BAZ1A: variants seen among roughly 807,000 people sequenced by gnomAD.
BAZ1A encodes the protein bromodomain adjacent to zinc finger domain protein 1A.
BAZ1A carries 50 observed loss-of-function variants against 185.2 expected under a neutral mutation model. That is an observed-to-expected ratio of 0.27 (90% CI 0.22 to 0.34). BAZ1A has a LOEUF of 0.34. Among genes scored for constraint, BAZ1A ranks in the 10% least tolerant of loss-of-function variants. BAZ1A has a pLI of 1.00. For missense variants in BAZ1A, 1,356 were observed against 1,839.9 expected, an observed-to-expected ratio of 0.74 and a Z score of 4.81; for synonymous variants, 571 against 615.6, an observed-to-expected ratio of 0.93 and a Z score of 1.07.
chr14:34,862,429 A>C, intron 2 of BAZ1A, 107 bp from the exon 3 acceptor site: 1 of 1,259,368 alleles, frequency 7.9e-7, no homozygotes, highest in Non-Finnish European at 1.1e-6. Context: ...CTTTAATGCA[A>C]AATTTTATGT....
Position 34,776,122 on chromosome 14 carries a change from T to G in BAZ1A, c.2630A>C (p.Asp877Ala). The part of the protein sequence containing the change: ...STSNIDQGPR[D>A]HSVQLPKPVH... ...TGGTTTTGGCAGCTGCACAGAATGGTCACGTGGACCTTGGTCAATGTTGGA... is the reference window on the plus strand; with the variant it reads ...TGGTTTTGGCAGCTGCACAGAATGGGCACGTGGACCTTGGTCAATGTTGGA... Residue 877 changes from aspartate (D) to alanine (A), a missense_variant, in exon 18 of 27, where the codon GAC becomes GCC. By Grantham distance (126) the Asp-to-Ala change is moderately radical. Around this residue, in one of 7 missense-constraint regions of BAZ1A, gnomAD observed 434 missense variants for 561.7 expected, o/e 0.77. Coordinates refer to ENST00000360310, the MANE Select transcript of BAZ1A (RefSeq NM_013448.3). The G allele has an allele frequency of 1.9e-6, 3 of 1,614,202 alleles. No homozygotes were observed. Among genetic ancestry groups the G allele is most frequent in the Non-Finnish European group, 2.5e-6 (3 of 1,180,030 alleles).
At position 34,783,753 on chromosome 14, in the gene BAZ1A, A is replaced by T; in HGVS notation, c.1997+9T>A. On this transcript the variant is annotated intron_variant, in intron 15 of 26. Transcript: ENST00000360310. ...TTTCATTAACACAACTATTACAATT[A>T]TCTCTTACCTGGCAGCTGCTTCTTC... The T allele has an allele frequency of 6.2e-7, 1 of 1,601,202 alleles. No homozygotes were observed.
Position 34,874,781 on chromosome 14 carries a change from C to A in BAZ1A, c.-58-119G>T. ...TTTTGTGTGACTGACGCGCCGCGGC[C>A]GCTACCGGAGCCGAGTTCGTTCCTG... is the stretch of plus-strand genomic sequence containing the variant. On this transcript the variant is annotated intron_variant, in intron 1 of 26. Transcript: ENST00000360310. This position sits in a 1 kb window ranked among gnomAD's most constrained non-coding sequence, Gnocchi z 4.7. 1 of 524,862 alleles carries A rather than the reference C, an allele frequency of 1.9e-6. No individual in the cohort carries two copies. Among genetic ancestry groups the A allele is most frequent in the Non-Finnish European group, 3.3e-6 (1 of 303,058 alleles). 32.5% of individuals were successfully genotyped at this position (524,862 alleles called of 1,614,324 possible).
intron 3 of BAZ1A, among the ~76,000 whole-genome samples, chr14:34,853,974 A>G (rs1488824901): frequency 6.6e-6 from 1 of 152,268 alleles, no homozygotes; most frequent in Non-Finnish European, 1.5e-5. Context: ...TAACTTGCCA[A>G]AAAGTTATAC....
rs1156386259 is a variant in BAZ1A, at chr14:34,752,850, T to C, written c.*658A>G. On this transcript the variant is annotated 3_prime_UTR_variant, in exon 27 of 27. Coordinates refer to ENST00000360310, the MANE Select transcript of BAZ1A (RefSeq NM_013448.3). Reference sequence around the variant, plus strand: ...AAAGGGAGGGTGTTACTTTTTTTGATTGATCATTAAGGAAGTTAGAGGAAT... The same window carrying C: ...AAAGGGAGGGTGTTACTTTTTTTGACTGATCATTAAGGAAGTTAGAGGAAT... 5 of 152,226 alleles carry C rather than the reference T, an allele frequency of 3.3e-5. No individual in the cohort carries two copies. The highest frequency in any genetic ancestry group is 4.8e-5 in the African/African-American group (2 of 41,438). The allele number at this position is 152,226 out of a possible 1,614,324, so 9.4% of individuals were successfully genotyped here. A position where few individuals can be genotyped will look rare whatever the true frequency, so the allele number is the denominator to read the frequency against.
intron 3 of BAZ1A, among the ~76,000 whole-genome samples, chr14:34,841,537 G>A (rs1429296437): frequency 6.6e-6 from 1 of 152,066 alleles, no homozygotes; most frequent in Non-Finnish European, 1.5e-5. Flanking sequence ...TTACAGGCAT[G>A]TGCCAACATG....
chr14:34,817,684 T>C (rs1237781144), intron 4 of BAZ1A, among the ~76,000 whole-genome samples: 3 of 152,068 alleles, frequency 2.0e-5, no homozygotes. Context: ...GGCAAAGAAC[T>C]TGAATGGGTA....
chr14:34,831,648 CCCTAAGG>C (rs1375555510), intron 3 of BAZ1A, among the ~76,000 whole-genome samples: 8 of 152,160 alleles, frequency 5.3e-5, no homozygotes, highest in African/African-American at 1.7e-4. Context: ...TTCCAAAGCA[CCCTAAGG>C]CCTAAGAATC....
intron 12 of BAZ1A, chr14:34,786,522 A>G (rs1357158294): frequency 4.0e-6 from 1 of 249,252 alleles, no homozygotes; most frequent in African/African-American, 2.3e-5. Flanking sequence ...AATTAAAAAC[A>G]AATCTCCTCA....
At chr14:34,772,004 G>C (rs998439243) in intron 20 of BAZ1A, among the ~76,000 whole-genome samples, 2 of 152,036 alleles carry the variant, frequency 1.3e-5, no homozygotes, top group Non-Finnish European at 2.9e-5. Context: ...GCCCAGGCTG[G>C]AGTGCAGTGG....
chr14:34,863,154 T>C (rs1327117829), intron 2 of BAZ1A, among the ~76,000 whole-genome samples: 1 of 23,222 alleles, frequency 4.3e-5, no homozygotes, highest in Admixed American at 3.2e-4. Context: ...ACGCTCGGCT[T>C]TTTTTTTTTT....
intron 4 of BAZ1A, among the ~76,000 whole-genome samples, chr14:34,824,403 C>CAAAAAAA (rs2042133433): frequency 3.9e-5 from 1 of 25,380 alleles, no homozygotes; most frequent in Admixed American, 5.5e-4. Flanking sequence ...AAAAAAGCAG[C>CAAAAAAA]AACTCAAAAA....
chr14:34,780,276 C>A lies in BAZ1A; in HGVS notation c.2146G>T (p.Glu716Ter). The A allele has an allele frequency of 6.2e-7, 1 of 1,613,094 alleles. No homozygotes were observed. The stretch of plus-strand genomic sequence containing the variant: ...TCCTTTTGCTCTGTGTCTTTGCTCT[C>A]AATGCTAGTATCAAAATCTTCCCTT... ...EEREDFDTSI[E>*]SKDTEQKELD... is the part of the protein sequence containing the mutation. Residue 716 changes from glutamate (E) to a stop codon, truncating the protein, a stop_gained, in exon 17 of 27, where the codon GAG becomes TAG. Transcript: ENST00000360310. LOFTEE classifies it high-confidence loss of function.
chr14:34,753,728 G>C lies in BAZ1A; in HGVS notation c.4475-24C>G, dbSNP rs754479812. The C allele has an allele frequency of 4.0e-6, 6 of 1,508,116 alleles. No individual in the cohort carries two copies. The African/African-American group carries it at 8.4e-5, about 21-fold the overall frequency. 93.4% of individuals were successfully genotyped at this position (1,508,116 alleles called of 1,614,324 possible). On this transcript the variant is annotated intron_variant, in intron 26 of 26. Transcript: ENST00000360310. ...AGCTAGAAAGGGAAAGAGACAAAAA[G>C]ATTAGAATGAAAGTACATAAATTAT...
At chr14:34,757,324 C>T (rs1236124899) in intron 25 of BAZ1A, among the ~76,000 whole-genome samples, 5 of 146,648 alleles carry the variant, frequency 3.4e-5, no homozygotes, top group Admixed American at 2.1e-4. Flanking sequence ...GAGATCGCGC[C>T]ATTGCACTCC....
chr14:34,804,121 C>T (rs1008201886), intron 6 of BAZ1A, among the ~76,000 whole-genome samples: 5 of 152,154 alleles, frequency 3.3e-5, no homozygotes, highest in Non-Finnish European at 5.9e-5. Flanking sequence ...GATTCTCCTG[C>T]CTCAGTCTCC....
intron 3 of BAZ1A, among the ~76,000 whole-genome samples, chr14:34,844,799 A>G (rs2042481838): frequency 6.6e-6 from 1 of 151,724 alleles, no homozygotes; most frequent in South Asian, 2.1e-4. Context: ...ACACACACAC[A>G]CACACACACA....
Position 34,779,993 on chromosome 14 carries a change from A to G in BAZ1A, c.2236+193T>C, listed in dbSNP as rs1594830341. On this transcript the variant is annotated intron_variant, in intron 17 of 26. Coordinates refer to ENST00000360310, the MANE Select transcript of BAZ1A (RefSeq NM_013448.3). ...GGTGTGTAAATAATGACCCAATCAT[A>G]AATGTACTAATAGGACTTCATAACA... 12 of 598,338 alleles carry G rather than the reference A, an allele frequency of 2.0e-5. No homozygotes were observed. In the East Asian group the frequency reaches 3.1e-4, roughly 16 times the overall value. 37.1% of individuals were successfully genotyped at this position (598,338 alleles called of 1,614,324 possible).
intron 14 of BAZ1A, among the ~76,000 whole-genome samples, chr14:34,785,219 G>C (rs1015347480): frequency 2.0e-5 from 3 of 151,872 alleles, no homozygotes; most frequent in African/African-American, 7.3e-5. Flanking sequence ...ATAATCACAT[G>C]AATTAAAAAA....
Sources: allele counts gnomAD v4.1 joint callset (sites outside exome capture counted in the v4.1 genomes callset), GRCh38; gene constraint gnomAD v4.1.1; regional missense constraint gnomAD v4.1.1; non-coding constraint Gnocchi (gnomAD v3.1); transcripts MANE v1.5; gene names NCBI Gene and HGNC (gene_info 2026-07-23, HGNC 2026-07-21).